Variants in CPM observed in about 807,000 individuals in gnomAD.
CPM encodes carboxypeptidase M.
CPM carries 35 observed loss-of-function variants against 46.4 expected under a neutral mutation model. The observed-to-expected ratio is 0.75, with a 90% CI of 0.58 to 1.00. The LOEUF is 1.00. Ranked by LOEUF, CPM falls within the 50% of genes least tolerant of loss-of-function variation. CPM has a pLI of 0.00. For missense variants in CPM, 422 were observed against 530.4 expected (o/e 0.80, Z 2.01); for synonymous variants, 195 against 195.3 (o/e 1.00, Z 0.01).
chr12:68,873,448 C>T (rs1055555257), intron 3 of CPM, among the ~76,000 whole-genome samples: 1 of 152,006 alleles, frequency 6.6e-6, no homozygotes, highest in African/African-American at 2.4e-5. Context: ...GAGGCTAAGG[C>T]GGAGCCCAGG....
intron 2 of CPM, among the ~76,000 whole-genome samples, chr12:68,920,262 G>T (rs913507269): frequency 1.3e-5 from 2 of 152,208 alleles, no homozygotes; most frequent in African/African-American, 4.8e-5. Context: ...TTTCTTTCTA[G>T]CAACCCAAGA....
intron 1 of CPM, among the ~76,000 whole-genome samples, chr12:68,945,652 T>C (rs904979893): frequency 6.6e-6 from 1 of 152,092 alleles, no homozygotes; most frequent in Non-Finnish European, 1.5e-5. Flanking sequence ...AGTATAGCAC[T>C]TAAGAGAACA....
chr12:68,843,267 A>C (rs562153503), intron 5 of CPM: 3 of 227,738 alleles, frequency 1.3e-5, no homozygotes, highest in African/African-American at 6.7e-5. Context: ...CTCCAAAGGT[A>C]AAAGTACTAA....
chr12:68,842,544 T>C (rs1374009511), intron 5 of CPM: 8 of 351,770 alleles, frequency 2.3e-5, no homozygotes, highest in South Asian at 1.3e-4. Flanking sequence ...ACAGATAATA[T>C]GGATGTTTGA....
At chr12:68,920,742 G>T in intron 2 of CPM, among the ~76,000 whole-genome samples, 1 of 146,746 alleles carries the variant, frequency 6.8e-6, no homozygotes, top group Non-Finnish European at 1.5e-5. Flanking sequence ...CCAGGCTGGA[G>T]TACAGTGGCA....
At chr12:68,909,983 T>C (rs1320156523) in intron 2 of CPM, among the ~76,000 whole-genome samples, 2 of 150,158 alleles carry the variant, frequency 1.3e-5, no homozygotes, top group Non-Finnish European at 3.0e-5. Context: ...CTTAAAAGTA[T>C]AATAATAATA....
chr12:68,849,796 A>AGAG (rs1193322919), downstream of CPM: 1 of 150,866 alleles, frequency 6.6e-6, no homozygotes, highest in African/African-American at 2.4e-5. Context: ...TATTTTCAGT[A>AGAG]GAGATGGGGT....
At chr12:68,933,744 A>ACG (rs1358226283), upstream of CPM, among the ~76,000 whole-genome samples, 1 of 152,276 alleles carries the variant, frequency 6.6e-6, no homozygotes, top group Admixed American at 6.5e-5. Flanking sequence ...TCGAGAAAGA[A>ACG]CGCGCGCGTG....
chr12:68,871,381 T>G (rs1459714003), intron 4 of CPM, among the ~76,000 whole-genome samples: 3 of 152,056 alleles, frequency 2.0e-5, no homozygotes, highest in Non-Finnish European at 4.4e-5. Flanking sequence ...CCAGGTGATG[T>G]GAGAGTTTAT....
chr12:68,881,487 T>C (rs1417208945), intron 3 of CPM, among the ~76,000 whole-genome samples: 2 of 152,112 alleles, frequency 1.3e-5, no homozygotes, highest in African/African-American at 4.8e-5. Flanking sequence ...TTGGAGAAAC[T>C]AGAAAGTGGG....
At chr12:68,907,971 G>A (rs2136287440) in intron 2 of CPM, among the ~76,000 whole-genome samples, 1 of 152,248 alleles carries the variant, frequency 6.6e-6, no homozygotes, top group Non-Finnish European at 1.5e-5. Context: ...TGGGATTACA[G>A]GCTCCCGCCA....
intron 3 of CPM, among the ~76,000 whole-genome samples, chr12:68,883,019 C>A (rs1219496041): frequency 1.3e-5 from 2 of 151,886 alleles, no homozygotes; most frequent in African/African-American, 4.9e-5. Flanking sequence ...AACACACACA[C>A]AAACACACAC....
At chr12:68,919,421 C>T (rs1887944529) in intron 2 of CPM, among the ~76,000 whole-genome samples, 1 of 152,222 alleles carries the variant, frequency 6.6e-6, no homozygotes, top group South Asian at 2.1e-4. Flanking sequence ...AGCAGAGATG[C>T]TATTTGCTCA....
At position 68,856,272 on chromosome 12, in the gene CPM, A is replaced by T; in HGVS notation, c.*165T>A. The stretch of plus-strand genomic sequence containing the variant: ...CTGAATCATTCTTTTCATTATCACC[A>T]CATATTGCTTATTGTGGAATTTGGA... On this transcript the variant is annotated 3_prime_UTR_variant, in exon 9 of 9. Coordinates refer to ENST00000551568, the MANE Select transcript of CPM (RefSeq NM_198320.5). 1 of 743,082 alleles carries T rather than the reference A, an allele frequency of 1.3e-6. No individual in the cohort carries two copies. Among genetic ancestry groups the T allele is most frequent in the Non-Finnish European group, 2.2e-6 (1 of 458,258 alleles). 46.0% of individuals were successfully genotyped at this position (743,082 alleles called of 1,614,324 possible). A position where few individuals can be genotyped will look rare whatever the true frequency, so the allele number is the denominator to read the frequency against.
At chr12:68,897,497 C>A (rs1794797569) in intron 2 of CPM, among the ~76,000 whole-genome samples, 1 of 152,022 alleles carries the variant, frequency 6.6e-6, no homozygotes, top group South Asian at 2.1e-4. Context: ...AAAGAGATTT[C>A]TTGGCCAAGG....
Position 68,961,877 on chromosome 12 carries a change from G to C in CPM, c.-4+1292C>G, listed in dbSNP as rs79521309. Among the ~76,000 whole-genome samples, 8 of 152,040 alleles carry C rather than the reference G, an allele frequency of 5.3e-5. No homozygotes were observed. The East Asian group carries it at 9.7e-4, about 18-fold the overall frequency. On this transcript the variant is annotated intron_variant, in intron 1 of 8. Coordinates refer to the CPM transcript ENST00000546373. Reference sequence around the variant, plus strand: ...TTATTTTTAATGTTTAAAGTGTTTCGTGGTCTTTTTAAAATAGGTTTTAAA... The same window carrying C: ...TTATTTTTAATGTTTAAAGTGTTTCCTGGTCTTTTTAAAATAGGTTTTAAA...
intron 5 of CPM, chr12:68,846,118 AT>A (rs34769683): frequency 2.6e-5 from 4 of 151,854 alleles, no homozygotes; most frequent in Admixed American, 6.6e-5. Context: ...CACCTGGCTA[AT>A]TTTTTTTGTA....
intron 2 of CPM, among the ~76,000 whole-genome samples, chr12:68,903,478 C>T (rs1022478148): frequency 2.6e-5 from 4 of 152,138 alleles, no homozygotes; most frequent in African/African-American, 9.7e-5. Context: ...TCTTTGGCTT[C>T]GACAAACTGT....
chr12:68,937,316 A>C (rs550035541), upstream of CPM, among the ~76,000 whole-genome samples: 1 of 152,370 alleles, frequency 6.6e-6, no homozygotes, highest in East Asian at 1.9e-4. Context: ...AGTGGTTCTC[A>C]ACTTGAGGCA....
Sources: allele counts gnomAD v4.1 joint callset (sites outside exome capture counted in the v4.1 genomes callset), GRCh38; gene constraint gnomAD v4.1.1; transcripts MANE v1.5; gene names NCBI Gene and HGNC (gene_info 2026-07-23, HGNC 2026-07-21).